The following NOL6 variants were observed in gnomAD, a reference collection of about 807,000 sequenced individuals.
The protein encoded by NOL6 is nucleolar RNA-associated protein.
NOL6 carries 33 observed loss-of-function variants against 131.7 expected under a neutral mutation model. That is an observed-to-expected ratio of 0.25 (90% CI 0.19 to 0.33). NOL6 has a LOEUF of 0.33. Ranked by LOEUF, NOL6 falls within the 10% of genes least tolerant of loss-of-function variation. The pLI is 1.00. For synonymous variants in NOL6, 580 were observed against 605.7 expected (o/e 0.96, Z 0.62); for missense variants, 1,297 against 1,494.5 (o/e 0.87, Z 2.18).
At position 33,468,052 on chromosome 9, in the gene NOL6, G is replaced by A. The variant is rs200468551; in HGVS notation, c.1402C>T (p.Arg468Trp). 120 of 1,613,988 alleles carry A rather than the reference G, an allele frequency of 7.4e-5. No homozygotes were observed. The highest frequency in any genetic ancestry group is 9.6e-5 in the Non-Finnish European group (113 of 1,180,042). Residue 468 changes from arginine (R) to tryptophan (W), a missense_variant, in exon 11 of 26, where the codon CGG becomes TGG. Arg to Trp is a moderately radical substitution (Grantham distance 101, BLOSUM62 -3). Coordinates refer to ENST00000297990, the MANE Select transcript of NOL6 (RefSeq NM_022917.5). ...CACTGCAGGACATGGTCAAAAGCCC[G>A]GATCATGGGTTTGGGAGTCATCAAC... ...LLLMTPKPMI[R>W]AFDHVLHLRP...
rs1341263649 is a variant in NOL6 at position 33,470,189 on chromosome 9, G to A, written c.381C>T (p.Leu127=). Reference sequence around the variant, plus strand: ...CAGCTGGGAGCCATGCCTGGTCAGTGAGCTGTGGGGGCAGAGACAGGGACA... The same window carrying A: ...CAGCTGGGAGCCATGCCTGGTCAGTAAGCTGTGGGGGCAGAGACAGGGACA... ...VRVPSVPETE[L]TDQAWLPAGV... is the part of the protein sequence containing the mutation. Residue 127 remains leucine (L), a splice_region_variant and synonymous_variant, in exon 4 of 26, where the codon CTC becomes CTT. Coordinates refer to ENST00000297990, the MANE Select transcript of NOL6 (RefSeq NM_022917.5). 6.4e-7 allele frequency: 1 copy of A among 1,573,176 alleles called. No individual in the cohort carries two copies. The highest frequency in any genetic ancestry group is 2.3e-5 in the East Asian group (1 of 43,672).
In NOL6 at chr9:33,467,297, G is replaced by C. The variant is rs1827274257; in HGVS notation, c.1726-35C>G. The stretch of plus-strand genomic sequence containing the variant: ...CAAGGGTGGTAGTAGAGCTGGGGAA[G>C]GAAGGGCTCTGTGGACCCTCCCCAA... On this transcript the variant is annotated intron_variant, in intron 13 of 25. Coordinates refer to ENST00000297990, the MANE Select transcript of NOL6 (RefSeq NM_022917.5). This position sits in a 1 kb window ranked among gnomAD's most constrained non-coding sequence, Gnocchi z 4.4. 1.2e-6 allele frequency: 2 copies of C among 1,611,682 alleles called. No homozygotes were observed. The highest frequency in any genetic ancestry group is 4.5e-5 in the East Asian group (2 of 44,802).
rs1384162661 is a variant in NOL6 at position 33,467,708 on chromosome 9, G to T, written c.1585C>A (p.Arg529=). ...GARLNLLAHS[R]PPVPEWDISQ... is the part of the protein sequence containing the mutation. ...CACCTCACCTCTGGGACTGGGGGTC[G>T]AGAGTGAGCCAGCAGGTTCAGCCGA... The change falls in exon 12 of 26, where the codon CGA becomes AGA. Residue 529 remains arginine, a synonymous_variant. Transcript: ENST00000297990. This position sits in a 1 kb window ranked among gnomAD's most constrained non-coding sequence, Gnocchi z 4.4. 1.3e-6 allele frequency: 2 copies of T among 1,571,232 alleles called. No homozygotes were observed. The highest frequency in any genetic ancestry group is 1.2e-5 in the South Asian group (1 of 83,338).
chr9:33,463,746 G>T, intron 23 of NOL6, 85 bp downstream of exon 23: 1 of 1,398,970 alleles, frequency 7.1e-7, no homozygotes, highest in South Asian at 1.2e-5. Context: ...CAAGGGGACC[G>T]GGTCTCCTGT....
At chr9:33,463,713 C>A in intron 23 of NOL6, 118 bp downstream of exon 23, 1 of 1,113,648 alleles carries the variant, frequency 9.0e-7, no homozygotes. Flanking sequence ...GCTTCAACAC[C>A]TCCTCTGTTC....
chr9:33,473,888 C>CTAT lies in NOL6; in HGVS notation c.-49_-47dup. On this transcript the variant is annotated 5_prime_UTR_variant, in exon 1 of 26. Transcript: ENST00000297990. ...CCCGCACTTCAGATTCTAGCCGGGTCTATACCTCATAGCTTCCCACGTGGG... is the reference window on the plus strand; with the variant it reads ...CCCGCACTTCAGATTCTAGCCGGGTCTATTATACCTCATAGCTTCCCACGTGGG... The CTAT allele has an allele frequency of 6.2e-7, 1 of 1,605,248 alleles. No homozygotes were observed.
rs771996628 is a variant in NOL6 at position 33,472,282 on chromosome 9, T to G, written c.185A>C (p.Lys62Thr). Residue 62 changes from lysine to threonine, a missense_variant, in exon 2 of 26, where the codon AAG becomes ACG. Physicochemically the swap from Lys to Thr is moderately conservative, Grantham distance 78. Coordinates refer to ENST00000297990, the MANE Select transcript of NOL6 (RefSeq NM_022917.5). ...ATTAAGCTCCTCATTGGTAGGCTCC[T>G]TGTACAGTTCTGCCCTGCTGAGCTT... is the stretch of plus-strand genomic sequence containing the variant. ...PVKLSRAELY[K>T]EPTNEELNRL... 6.2e-7 allele frequency: 1 copy of G among 1,614,128 alleles called. No individual in the cohort carries two copies. Among genetic ancestry groups the G allele is most frequent in the Non-Finnish European group, 8.5e-7 (1 of 1,180,048 alleles).
At chr9:33,471,931 C>T in intron 3 of NOL6, 73 bp downstream of exon 3, 1 of 1,059,040 alleles carries the variant, frequency 9.4e-7, no homozygotes, top group Non-Finnish European at 1.5e-6. Context: ...AGAGTAACAG[C>T]AAGGCCCCTG....
Position 33,462,677 on chromosome 9 carries a change from C to T in NOL6, c.3428G>A (p.Arg1143Lys). Residue 1143 changes from arginine to lysine, a missense_variant, in exon 26 of 26, where the codon AGG (arginine) becomes AAG (lysine). Physicochemically the swap from Arg to Lys is conservative, Grantham distance 26. Transcript: ENST00000297990. The part of the protein sequence containing the change: ...LVQTVEARSE[R>K]WTV ...CCAGAGCTGGGATCACACAGTCCACCTCTCACTTCGGGCCTCCACAGTCTG... is the reference window on the plus strand; with the variant it reads ...CCAGAGCTGGGATCACACAGTCCACTTCTCACTTCGGGCCTCCACAGTCTG... 6.2e-7 allele frequency: 1 copy of T among 1,614,098 alleles called. No individual in the cohort carries two copies. Among genetic ancestry groups the T allele is most frequent in the Non-Finnish European group, 8.5e-7 (1 of 1,179,966 alleles).
chr9:33,465,477 TAAG>T, intron 19 of NOL6, 118 bp from the exon 20 acceptor site: 1 of 1,249,764 alleles, frequency 8.0e-7, no homozygotes, highest in African/African-American at 1.5e-5. Context: ...CATATTCTCT[TAAG>T]AAATGCACCA....
In NOL6 at chr9:33,466,168, C is replaced by G. The variant is rs146204657; in HGVS notation, c.2267G>C (p.Arg756Pro). ...QWPQDAEAVQ[R>P]VRAAFQLRLA... ...GCGCAGCTGGAAGGCAGCTCGGACC[C>G]GCTGCACGGCCTCAGCGTCCTGTGG... Residue 756 changes from arginine to proline, a missense_variant, in exon 18 of 26, where the codon CGG becomes CCG. Coordinates refer to ENST00000297990, the MANE Select transcript of NOL6 (RefSeq NM_022917.5). 77 of 1,613,106 alleles carry G rather than the reference C, an allele frequency of 4.8e-5. No individual in the cohort carries two copies. The highest frequency in any genetic ancestry group is 1.9e-5 in the Non-Finnish European group (22 of 1,179,768).
In NOL6 at chr9:33,468,427, G is replaced by T. The variant is rs76961637; in HGVS notation, c.1207-5C>A. The T allele has an allele frequency of 2.5e-6, 4 of 1,613,946 alleles. No homozygotes were observed. The highest frequency in any genetic ancestry group is 2.2e-5 in the East Asian group (1 of 44,888). On this transcript the variant is annotated splice_polypyrimidine_tract_variant and splice_region_variant and intron_variant, in intron 9 of 25. Coordinates refer to ENST00000297990, the MANE Select transcript of NOL6 (RefSeq NM_022917.5). ...GTGGAAGTCAGCCAGGGCCGGCTTG[G>T]GGGGTGTAGAGAGAAGCAGGTCAGG...
intron 3 of NOL6, chr9:33,470,807 G>C (rs1231406891): frequency 7.1e-6 from 1 of 141,444 alleles, no homozygotes; most frequent in Non-Finnish European, 1.5e-5. Flanking sequence ...AAAAAAGAAA[G>C]AAATGGATCA....
Position 33,470,036 on chromosome 9 carries a change from C to A in NOL6, c.534G>T (p.Val178=). ...CCCTGGGCATGGTCAGTGCCACATC[C>A]ACATTGATGTCTGGTCGGATGCAGG... ...LGTCIRPDIN[V]DVALTMPREI... The change falls in exon 4 of 26, where the codon GTG becomes GTT. Residue 178 remains valine, a synonymous_variant. Transcript: ENST00000297990. 6.2e-7 allele frequency: 1 copy of A among 1,606,608 alleles called. No homozygotes were observed. Among genetic ancestry groups the A allele is most frequent in the South Asian group, 1.1e-5 (1 of 90,268 alleles).
chr9:33,469,446 C>T, intron 5 of NOL6, 53 bp downstream of exon 5: 2 of 1,593,684 alleles, frequency 1.3e-6, no homozygotes, highest in East Asian at 2.2e-5. Flanking sequence ...TGTGCCTTCT[C>T]CTCCAGATTT....
In NOL6 at chr9:33,467,932, CCTG is replaced by C; in HGVS notation, c.1425-67_1425-65del. ...TGCTGGCCCCTAGTACCACCTCCTC[CCTG>C]AATGATCTGAGCACCTGTCTGAAGA... On this transcript the variant is annotated intron_variant, in intron 11 of 25. Transcript: ENST00000297990. The surrounding 1 kb of genome is among the most constrained non-coding windows in gnomAD (Gnocchi z 4.4). 2 of 1,595,424 alleles carry C rather than the reference CCTG, an allele frequency of 1.3e-6. No individual in the cohort carries two copies. The highest frequency in any genetic ancestry group is 1.7e-6 in the Non-Finnish European group (2 of 1,168,024).
Position 33,472,111 on chromosome 9 carries a change from G to A in NOL6, c.271C>T (p.Leu91=). The change falls in exon 3 of 26, where the codon CTA becomes TTA. Residue 91 remains leucine (L), a synonymous_variant. Coordinates refer to ENST00000297990, the MANE Select transcript of NOL6 (RefSeq NM_022917.5). ...SSLLRLQVEE[L]LKEVRLSEKK... Reference sequence around the variant, plus strand: ...TCTGACAGCCTTACTTCCTTTAGTAGCTCCTCTACCTGTAAGAGAGGGTAG... The same window carrying A: ...TCTGACAGCCTTACTTCCTTTAGTAACTCCTCTACCTGTAAGAGAGGGTAG... 3.1e-6 allele frequency: 5 copies of A among 1,614,072 alleles called. No homozygotes were observed. Among genetic ancestry groups the A allele is most frequent in the Non-Finnish European group, 4.2e-6 (5 of 1,179,948 alleles).
intron 3 of NOL6, among the ~76,000 whole-genome samples, 163 bp downstream of exon 3, chr9:33,471,841 G>A (rs1438282208): frequency 6.6e-6 from 1 of 152,224 alleles, no homozygotes; most frequent in Admixed American, 6.5e-5. Flanking sequence ...AGTACTTGCT[G>A]AATGAATACA....
In NOL6 at chr9:33,465,903, G is replaced by A; in HGVS notation, c.2365-6C>T. ...ATCCGAAACACAAATCCATCCTGTT[G>A]GAAGAAGGTATGGAAAGAGAAGGAT... On this transcript the variant is annotated splice_polypyrimidine_tract_variant and splice_region_variant and intron_variant, in intron 18 of 25. Transcript: ENST00000297990. 1 of 1,613,000 alleles carries A rather than the reference G, an allele frequency of 6.2e-7. No individual in the cohort carries two copies. The highest frequency in any genetic ancestry group is 8.5e-7 in the Non-Finnish European group (1 of 1,179,160).
Sources: gnomAD v4.1 joint callset for allele counts (sites outside exome capture counted in the v4.1 genomes callset) on GRCh38, gnomAD v4.1.1 for gene constraint, Gnocchi (gnomAD v3.1) non-coding constraint, MANE v1.5 for transcripts, NCBI Gene and HGNC (gene_info 2026-07-23, HGNC 2026-07-21) for gene names.